The following GALNT8 variants were observed in gnomAD, a reference collection of about 807,000 sequenced individuals.
GALNT8 encodes the protein probable polypeptide N-acetylgalactosaminyltransferase 8.
GALNT8 carries 66 observed loss-of-function variants against 62.7 expected under a neutral mutation model. The observed-to-expected ratio is 1.05, with a 90% CI of 0.86 to 1.29. GALNT8 has a LOEUF of 1.29. Ranked by LOEUF, GALNT8 falls within the 50% of genes most tolerant of loss-of-function variation. GALNT8 has a pLI of 0.00. For missense variants in GALNT8, 771 were observed against 791.8 expected (o/e 0.97, Z 0.32); for synonymous variants, 288 against 294.3 (o/e 0.98, Z 0.22).
At chr12:4,772,401 C>T in intron 10 of GALNT8, 44 bp from the exon 11 acceptor site, 9 of 1,574,960 alleles carry the variant, frequency 5.7e-6, no homozygotes, top group Non-Finnish European at 7.8e-6. Flanking sequence ...TGATGAATTA[C>T]TGAGGCATTT....
intron 2 of GALNT8, among the ~76,000 whole-genome samples, chr12:4,730,495 C>T (rs1297071402): frequency 6.6e-6 from 1 of 152,182 alleles, no homozygotes; most frequent in Non-Finnish European, 1.5e-5. Context: ...GTTTTCTTGA[C>T]ATCTTTGTTG....
chr12:4,730,485 G>A (rs930394512), intron 2 of GALNT8, among the ~76,000 whole-genome samples: 2 of 152,016 alleles, frequency 1.3e-5, no homozygotes, highest in Non-Finnish European at 2.9e-5. Flanking sequence ...TTTCCATTGC[G>A]TTTTCTTGAC....
chr12:4,757,975 G>T (rs2359467), intron 6 of GALNT8, among the ~76,000 whole-genome samples: 60,178 of 152,026 alleles, frequency 0.4, 12,123 homozygotes, highest in Admixed American at 0.44. Context: ...CTGAGTTCCT[G>T]ATGCTTTGTT....
chr12:4,735,710 C>A (rs1946241572), intron 2 of GALNT8, among the ~76,000 whole-genome samples: 1 of 152,160 alleles, frequency 6.6e-6, no homozygotes, highest in African/African-American at 2.4e-5. Context: ...CCAGAATGCA[C>A]AAGCTAGGAA....
At chr12:4,723,762 T>G (rs1328882466) in intron 1 of GALNT8, among the ~76,000 whole-genome samples, 1 of 151,504 alleles carries the variant, frequency 6.6e-6, no homozygotes, top group Non-Finnish European at 1.5e-5. Context: ...TTTTTTTTTT[T>G]TTTTTTTCCA....
rs73264342 is a variant in GALNT8, at chr12:4,765,526, A to G, written c.1741A>G (p.Ile581Val). 1.7e-3 allele frequency: 2,710 copies of G among 1,600,460 alleles called. 33 individuals carry two copies. In the African/African-American group the frequency reaches 0.032, roughly 19 times the overall value. ...CSKAAKNRLH[I>V]YWDFKPGGAV... ...CAAGGCAGCTAAGAATAGACTGCAT[A>G]TATATTGGGATTTTAAACCGGTGAG... The change falls in exon 10 of 11, where the codon ATA (isoleucine) becomes GTA (valine). Residue 581 changes from isoleucine (I) to valine (V), a missense_variant. Transcript: ENST00000252318.
rs1946195338 is a variant in GALNT8, at chr12:4,726,347, T to C, written c.212-185T>C. Among the ~76,000 whole-genome samples, 1 of 152,198 alleles carries C rather than the reference T, an allele frequency of 6.6e-6. No individual in the cohort carries two copies. The highest frequency in any genetic ancestry group is 2.1e-4 in the South Asian group (1 of 4,830). ...GGAGAGACGTATCTAGTACATACTT[T>C]GCTGGGACAGCCTTGCATGGCTGGA... On this transcript the variant is annotated intron_variant, in intron 1 of 10. Transcript: ENST00000252318. The surrounding 1 kb of genome is among the most constrained non-coding windows in gnomAD (Gnocchi z 4.1).
At chr12:4,754,198 C>T (rs1946334462) in intron 6 of GALNT8, among the ~76,000 whole-genome samples, 1 of 152,022 alleles carries the variant, frequency 6.6e-6, no homozygotes, top group Admixed American at 6.5e-5. Context: ...TGTGTACTTC[C>T]TATGTTCCCT....
At chr12:4,756,560 T>C (rs1946346079) in intron 6 of GALNT8, among the ~76,000 whole-genome samples, 1 of 139,622 alleles carries the variant, frequency 7.2e-6, no homozygotes, top group African/African-American at 2.5e-5. Flanking sequence ...TAAGCTTCTA[T>C]AAGATGACCT....
At chr12:4,755,940 T>TAGCAGCTACCTAGGAC (rs1946342917) in intron 6 of GALNT8, among the ~76,000 whole-genome samples, 1 of 152,144 alleles carries the variant, frequency 6.6e-6, no homozygotes, top group African/African-American at 2.4e-5. Context: ...AAATGTGGGA[T>TAGCAGCTACCTAGGAC]AGCAGCTACC....
intron 2 of GALNT8, among the ~76,000 whole-genome samples, chr12:4,730,072 G>A (rs1006181376): frequency 2.0e-5 from 3 of 151,828 alleles, no homozygotes; most frequent in South Asian, 2.1e-4. Context: ...TATTTTTCTC[G>A]TTATTGAGTT....
intron 10 of GALNT8, among the ~76,000 whole-genome samples, chr12:4,767,842 A>C (rs1946406488): frequency 1.3e-5 from 2 of 152,242 alleles, no homozygotes; most frequent in Non-Finnish European, 1.5e-5. Flanking sequence ...TTAATGAGAT[A>C]GTGTGTGTAA....
At chr12:4,763,226 C>G in intron 7 of GALNT8, 27 bp from the exon 8 acceptor site, 1 of 1,603,192 alleles carries the variant, frequency 6.2e-7, no homozygotes, top group Non-Finnish European at 8.5e-7. Context: ...AATCAAAGCA[C>G]AGAAACACTT....
At chr12:4,741,003 A>G (rs1946269625) in intron 3 of GALNT8, among the ~76,000 whole-genome samples, 1 of 152,236 alleles carries the variant, frequency 6.6e-6, no homozygotes, top group Non-Finnish European at 1.5e-5. Flanking sequence ...ATTTTGTGCA[A>G]CAAATAAAAG....
intron 6 of GALNT8, among the ~76,000 whole-genome samples, chr12:4,751,299 C>G (rs1946321459): frequency 6.6e-6 from 1 of 152,142 alleles, no homozygotes; most frequent in Non-Finnish European, 1.5e-5. Context: ...TTATTTCCTA[C>G]TACAATTTTG....
At chr12:4,744,926 A>G (rs748226037) in intron 4 of GALNT8, among the ~76,000 whole-genome samples, 1 of 152,148 alleles carries the variant, frequency 6.6e-6, no homozygotes, top group African/African-American at 2.4e-5. Context: ...TTTGCCAAAT[A>G]CTTTGTGAAT....
intron 2 of GALNT8, among the ~76,000 whole-genome samples, chr12:4,729,216 G>A (rs1280624573): frequency 1.3e-5 from 2 of 152,106 alleles, no homozygotes; most frequent in East Asian, 1.9e-4. Context: ...TATACACATC[G>A]TGGAATGGCT....
rs145247187 is a variant in GALNT8 at position 4,750,925 on chromosome 12, C to T, written c.1173+4667C>T. On this transcript the variant is annotated intron_variant, in intron 6 of 10. Coordinates refer to ENST00000252318, the MANE Select transcript of GALNT8 (RefSeq NM_017417.2). The stretch of plus-strand genomic sequence containing the variant: ...AAACATCATGGTACTAGTACAAAAA[C>T]GGACACATAGACCAATGGAACAGAA... 5.1e-3 allele frequency among the ~76,000 whole-genome samples: 776 copies of T among 152,192 alleles called. 20 individuals are homozygous for T. The highest frequency in any genetic ancestry group is 0.043 in the Admixed American group (657 of 15,280).
intron 6 of GALNT8, among the ~76,000 whole-genome samples, chr12:4,759,027 C>T (rs1946359989): frequency 1.3e-5 from 2 of 152,066 alleles, no homozygotes; most frequent in South Asian, 2.1e-4. Flanking sequence ...CTGCCTGCCT[C>T]GGCCTCCCAA....
Sources: gnomAD v4.1 joint callset for allele counts (sites outside exome capture counted in the v4.1 genomes callset) on GRCh38, gnomAD v4.1.1 for gene constraint, Gnocchi (gnomAD v3.1) non-coding constraint, MANE v1.5 for transcripts, NCBI Gene and HGNC (gene_info 2026-07-23, HGNC 2026-07-21) for gene names.